BRSK1: variants seen among roughly 807,000 people sequenced by gnomAD.
The protein encoded by BRSK1 is BR serine/threonine kinase 1, also known as serine/threonine-protein kinase BRSK1.
In BRSK1, 17 loss-of-function variants were observed where a neutral mutation model predicts 86.2. The ratio of observed to expected loss-of-function variants is 0.20; its 90% CI spans 0.14 to 0.30. The LOEUF (loss-of-function observed/expected upper bound fraction) is 0.30, where lower values mean the gene tolerates loss of function less well. Ranked by LOEUF, BRSK1 falls within the 10% of genes least tolerant of loss-of-function variation. The probability of loss-of-function intolerance (pLI) is 1.00; values close to 1 mark genes in which losing one functional copy is unlikely to be tolerated. For synonymous variants in BRSK1, 464 were observed against 440.1 expected (o/e 1.05, Z -0.68); for missense variants, 719 against 1,071.9 (o/e 0.67, Z 4.60).
chr19:55,306,570 ACT>A lies in BRSK1; in HGVS notation c.2089+125_2089+126del, dbSNP rs74179615. The A allele has an allele frequency of 0.08, 93,005 of 1,169,718 alleles. 4,489 individuals carry two copies. Among genetic ancestry groups the A allele is most frequent in the Middle Eastern group, 0.12 (416 of 3,500 alleles). The allele number at this position is 1,169,718 out of a possible 1,614,324, so 72.5% of individuals were successfully genotyped here. A position where few individuals can be genotyped will look rare whatever the true frequency, so the allele number is the denominator to read the frequency against. On this transcript the variant is annotated intron_variant, in intron 17 of 18. Coordinates refer to ENST00000309383, the MANE Select transcript of BRSK1 (RefSeq NM_032430.2). The surrounding 1 kb of genome is among the most constrained non-coding windows in gnomAD (Gnocchi z 4.7). ...AGGAAATGGTGTTCAGCTGGTGCCG[ACT>A]CTCTGTGCTCCTCCTGCCCACACAG...
Position 55,301,676 on chromosome 19 carries a change from C to T in BRSK1, c.825+18C>T, listed in dbSNP as rs1197413040. 3 of 1,607,590 alleles carry T rather than the reference C, an allele frequency of 1.9e-6. No individual in the cohort carries two copies. The highest frequency in any genetic ancestry group is 2.5e-6 in the Non-Finnish European group (3 of 1,176,886). On this transcript the variant is annotated intron_variant, in intron 8 of 18. Transcript: ENST00000309383. ...GGCTCAGTGTGAGTTGAGGGGGGGACCGGCGGAGGGGGGAACAGTGGCCGA... is the reference window on the plus strand; with the variant it reads ...GGCTCAGTGTGAGTTGAGGGGGGGATCGGCGGAGGGGGGAACAGTGGCCGA...
chr19:55,306,308 G>A lies in BRSK1; in HGVS notation c.1947G>A (p.Lys649=), dbSNP rs12973169. The A allele has an allele frequency of 0.091, 147,494 of 1,613,998 alleles. 7,793 individuals carry two copies. The highest frequency in any genetic ancestry group is 0.18 in the African/African-American group (13,799 of 74,980). The change falls in exon 17 of 19, where the codon AAG becomes AAA. Residue 649 remains lysine (K), a synonymous_variant. Transcript: ENST00000309383. The surrounding 1 kb of genome is among the most constrained non-coding windows in gnomAD (Gnocchi z 4.7). ...AGACCAGCTTCAGGGCCGAGTACAA[G>A]GCCAGTGGCGGCCCCTCCGTCTTCC... ...LSQTSFRAEY[K]ASGGPSVFQK...
chr19:55,303,394 C>G lies in BRSK1; in HGVS notation c.1112C>G (p.Pro371Arg), dbSNP rs529205087. The change falls in exon 11 of 19, where the codon CCC becomes CGC. Residue 371 changes from proline to arginine, a missense_variant. This residue lies in a region of BRSK1 where 168 missense variants were observed against 246.3 expected (regional missense o/e 0.68). Coordinates refer to ENST00000309383, the MANE Select transcript of BRSK1 (RefSeq NM_032430.2). This position sits in a 1 kb window ranked among gnomAD's most constrained non-coding sequence, Gnocchi z 5.1. The part of the protein sequence containing the change: ...YPSCEDQDLP[P>R]RNDVDPPRKR... The stretch of plus-strand genomic sequence containing the variant: ...AGCTGTGAGGACCAGGACCTGCCTC[C>G]CCGGAATGATGTTGGTGAGAAGGCA... 1 of 1,613,822 alleles carries G rather than the reference C, an allele frequency of 6.2e-7. No individual in the cohort carries two copies. Among genetic ancestry groups the G allele is most frequent in the Non-Finnish European group, 8.5e-7 (1 of 1,179,854 alleles).
In BRSK1 at chr19:55,302,245, G is replaced by A; in HGVS notation, c.857+77G>A. The A allele has an allele frequency of 2.6e-6, 4 of 1,554,354 alleles. No homozygotes were observed. The highest frequency in any genetic ancestry group is 3.6e-6 in the Non-Finnish European group (4 of 1,126,008). ...GCCAAAGCAGTAGAAGCGGCTGGGA[G>A]GGGTGGGATGCCAGGGTTCCTGAGA... On this transcript the variant is annotated intron_variant, in intron 9 of 18. Transcript: ENST00000309383. This position sits in a 1 kb window ranked among gnomAD's most constrained non-coding sequence, Gnocchi z 6.3.
chr19:55,289,424 G>C, intron 3 of BRSK1, 56 bp from the exon 4 acceptor site: 43 of 1,558,756 alleles, frequency 2.8e-5, no homozygotes, highest in Non-Finnish European at 3.7e-5. Flanking sequence ...GGGAGACCAG[G>C]CCCTTTGGTC....
intron 7 of BRSK1, among the ~76,000 whole-genome samples, chr19:55,296,741 G>A (rs913188081): frequency 1.3e-5 from 2 of 151,990 alleles, no homozygotes; most frequent in East Asian, 1.9e-4. Context: ...CCAGCTACTC[G>A]GGAGGCTGAG....
At position 55,302,403 on chromosome 19, in the gene BRSK1, T is replaced by TG. The variant is rs1044942907; in HGVS notation, c.857+240dup. 13 of 565,146 alleles carry TG rather than the reference T, an allele frequency of 2.3e-5. No homozygotes were observed. The highest frequency in any genetic ancestry group is 4.0e-5 in the Non-Finnish European group (13 of 322,910). The allele number at this position is 565,146 out of a possible 1,614,324, so 35.0% of individuals were successfully genotyped here. A position where few individuals can be genotyped will look rare whatever the true frequency, so the allele number is the denominator to read the frequency against. Reference sequence around the variant, plus strand: ...TCCCAGGTTTGAGGGAAAAAGGGACTGGGGGCCTGGACTCCTGGATCCGAG... The same window carrying TG: ...TCCCAGGTTTGAGGGAAAAAGGGACTGGGGGGCCTGGACTCCTGGATCCGAG... On this transcript the variant is annotated intron_variant, in intron 9 of 18. Coordinates refer to ENST00000309383, the MANE Select transcript of BRSK1 (RefSeq NM_032430.2). The surrounding 1 kb of genome is among the most constrained non-coding windows in gnomAD (Gnocchi z 6.3).
chr19:55,305,055 G>T, intron 14 of BRSK1, 135 bp downstream of exon 14: 1 of 1,386,672 alleles, frequency 7.2e-7, no homozygotes, highest in East Asian at 2.4e-5. Context: ...AGAGAAGAGG[G>T]GGTTTGAAGC....
At chr19:55,301,442 T>C in intron 7 of BRSK1, 70 bp from the exon 8 acceptor site, 5 of 1,541,696 alleles carry the variant, frequency 3.2e-6, no homozygotes, top group Non-Finnish European at 4.4e-6. Flanking sequence ...ATCACCGTAG[T>C]TCCCCACCTC....
At position 55,303,849 on chromosome 19, in the gene BRSK1, G is replaced by C; in HGVS notation, c.1286+23G>C. The C allele has an allele frequency of 6.5e-7, 1 of 1,547,414 alleles. No homozygotes were observed. The highest frequency in any genetic ancestry group is 8.7e-7 in the Non-Finnish European group (1 of 1,148,016). On this transcript the variant is annotated intron_variant, in intron 12 of 18. Coordinates refer to ENST00000309383, the MANE Select transcript of BRSK1 (RefSeq NM_032430.2). The surrounding 1 kb of genome is among the most constrained non-coding windows in gnomAD (Gnocchi z 5.1). The stretch of plus-strand genomic sequence containing the variant: ...GAGGTGGGAGCCCCTGTCCCTCCAG[G>C]AGGATCCACAATCCCTGGGTCTAGG...
rs1186474580 is a variant in BRSK1 at position 55,304,414 on chromosome 19, C to A, written c.1348-137C>A. On this transcript the variant is annotated intron_variant, in intron 13 of 18. Transcript: ENST00000309383. The surrounding 1 kb of genome is among the most constrained non-coding windows in gnomAD (Gnocchi z 5.2). ...GTCTTTGCTATCCTTGCTCTGGGGCCTGGGAAGGAGGATACTTGGACTACA... is the reference window on the plus strand; with the variant it reads ...GTCTTTGCTATCCTTGCTCTGGGGCATGGGAAGGAGGATACTTGGACTACA... 1.7e-5 allele frequency: 19 copies of A among 1,134,792 alleles called. No homozygotes were observed. The highest frequency in any genetic ancestry group is 2.1e-5 in the Non-Finnish European group (17 of 827,696). The allele number at this position is 1,134,792 out of a possible 1,614,324, so 70.3% of individuals were successfully genotyped here. A position where few individuals can be genotyped will look rare whatever the true frequency, so the allele number is the denominator to read the frequency against.
chr19:55,300,900 G>T (rs2088560864), intron 7 of BRSK1, among the ~76,000 whole-genome samples: 1 of 152,152 alleles, frequency 6.6e-6, no homozygotes. Context: ...TCCTCTGGAG[G>T]CTCTAGGGAA....
At position 55,310,158 on chromosome 19, in the gene BRSK1, G is replaced by A. The variant is rs2123007583; in HGVS notation, c.2179+1430G>A. 6.6e-6 allele frequency among the ~76,000 whole-genome samples: 1 copy of A among 152,328 alleles called. No individual in the cohort carries two copies. The highest frequency in any genetic ancestry group is 1.5e-5 in the Non-Finnish European group (1 of 68,030). ...CGTCAACAAATGACACAGCCTTGGT[G>A]GCTGAAACAACACAAGTGATTTTCG... On this transcript the variant is annotated intron_variant, in intron 18 of 18. Transcript: ENST00000309383. The surrounding 1 kb of genome is among the most constrained non-coding windows in gnomAD (Gnocchi z 5.0).
chr19:55,305,113 AG>A (rs1467717990), intron 14 of BRSK1, among the ~76,000 whole-genome samples, 193 bp downstream of exon 14: 1 of 152,056 alleles, frequency 6.6e-6, no homozygotes, highest in Non-Finnish European at 1.5e-5. Context: ...GCTCTGGAGG[AG>A]GACCCCGATT....
intron 7 of BRSK1, among the ~76,000 whole-genome samples, chr19:55,296,563 A>G (rs1033034453): frequency 1.3e-5 from 2 of 151,754 alleles, no homozygotes; most frequent in Non-Finnish European, 2.9e-5. Flanking sequence ...GTAGCCAGGC[A>G]TTGCCGGGCG....
chr19:55,307,747 TACAC>T (rs68176323), intron 17 of BRSK1, among the ~76,000 whole-genome samples: 36,574 of 87,906 alleles, frequency 0.42, 7,824 homozygotes, highest in South Asian at 0.48. Context: ...AAAAAATTTA[TACAC>T]ACACACACAC....
chr19:55,306,309 G>A lies in BRSK1; in HGVS notation c.1948G>A (p.Ala650Thr). ...SQTSFRAEYKASGGPSVFQKP... is the reference protein window; with the variant it reads ...SQTSFRAEYKTSGGPSVFQKP... ...GACCAGCTTCAGGGCCGAGTACAAG[G>A]CCAGTGGCGGCCCCTCCGTCTTCCA... is the stretch of plus-strand genomic sequence containing the variant. The change falls in exon 17 of 19, where the codon GCC becomes ACC. Residue 650 changes from alanine (A) to threonine (T), a missense_variant. By Grantham distance (58) the Ala-to-Thr change is moderately conservative (BLOSUM62 0). Coordinates refer to ENST00000309383, the MANE Select transcript of BRSK1 (RefSeq NM_032430.2). This position sits in a 1 kb window ranked among gnomAD's most constrained non-coding sequence, Gnocchi z 4.7. The A allele has an allele frequency of 6.2e-7, 1 of 1,614,122 alleles. No homozygotes were observed. The highest frequency in any genetic ancestry group is 8.5e-7 in the Non-Finnish European group (1 of 1,180,042).
rs999108306 is a variant in BRSK1 at position 55,284,438 on chromosome 19, G to C, written c.-5G>C. ...GGGACCGGTCGGGCCGGGACCAAGG[G>C]CACCATGTCGTCCGGGGCCAAGGAG... On this transcript the variant is annotated 5_prime_UTR_variant, in exon 1 of 19. Transcript: ENST00000309383. The C allele has an allele frequency of 1.2e-5, 15 of 1,273,666 alleles. No individual in the cohort carries two copies. The Admixed American group carries it at 2.2e-4, about 19-fold the overall frequency. 78.9% of individuals were successfully genotyped at this position (1,273,666 alleles called of 1,614,324 possible).
chr19:55,296,435 C>T (rs566065765), intron 7 of BRSK1, among the ~76,000 whole-genome samples: 5 of 152,260 alleles, frequency 3.3e-5, no homozygotes, highest in African/African-American at 1.2e-4. Flanking sequence ...CAATGACTCA[C>T]GCCAGTAATC....
Sources: gnomAD v4.1 joint callset for allele counts (sites outside exome capture counted in the v4.1 genomes callset) on GRCh38, gnomAD v4.1.1 for gene constraint, gnomAD v4.1.1 regional missense constraint, Gnocchi (gnomAD v3.1) non-coding constraint, MANE v1.5 for transcripts, NCBI Gene and HGNC (gene_info 2026-07-23, HGNC 2026-07-21) for gene names.